SOX6: variants seen among roughly 807,000 people sequenced by gnomAD.
The protein encoded by SOX6 is transcription factor SOX-6.
SOX6 carries 11 observed loss-of-function variants against 97.8 expected under a neutral mutation model. The ratio of observed to expected loss-of-function variants is 0.11; its 90% CI spans 0.07 to 0.19. SOX6 has a LOEUF of 0.19. SOX6 is among the 10% of genes least tolerant of loss of function. The pLI is 1.00. For synonymous variants in SOX6, 360 were observed against 371.4 expected (o/e 0.97, Z 0.35); for missense variants, 810 against 1,039.5 (o/e 0.78, Z 3.04).
At chr11:16,530,133 T>G (rs1007289352) in intron 4 of SOX6, among the ~76,000 whole-genome samples, 3 of 152,036 alleles carry the variant, frequency 2.0e-5, no homozygotes, top group African/African-American at 7.2e-5. Flanking sequence ...TCTATTACTG[T>G]GTGACACTGC....
At chr11:16,641,714 G>T (rs1227928600) in intron 3 of SOX6, among the ~76,000 whole-genome samples, 3 of 152,128 alleles carry the variant, frequency 2.0e-5, no homozygotes, top group Admixed American at 2.0e-4. Context: ...TTTTATCAGA[G>T]ACTAAGATTG....
intron 13 of SOX6, among the ~76,000 whole-genome samples, chr11:15,998,679 G>GA (rs1397851773): frequency 1.3e-5 from 2 of 151,992 alleles, no homozygotes; most frequent in Non-Finnish European, 2.9e-5. Context: ...TGTTAAAGTG[G>GA]AAAACGATAG....
At chr11:16,325,088 A>T (rs1383277078) in intron 2 of SOX6, among the ~76,000 whole-genome samples, 1 of 152,182 alleles carries the variant, frequency 6.6e-6, no homozygotes, top group Non-Finnish European at 1.5e-5. Flanking sequence ...GTATTGGGAC[A>T]ACAGATAATT....
chr11:16,065,583 A>G (rs1300771420), intron 9 of SOX6, among the ~76,000 whole-genome samples: 1 of 152,130 alleles, frequency 6.6e-6, no homozygotes, highest in Non-Finnish European at 1.5e-5. Context: ...GGAACAGAAT[A>G]GAGAACCCAG....
At chr11:16,343,977 CA>C (rs1856710427) in intron 1 of SOX6, among the ~76,000 whole-genome samples, 1 of 151,860 alleles carries the variant, frequency 6.6e-6, no homozygotes, top group Non-Finnish European at 1.5e-5. Context: ...GAAAAGGAGA[CA>C]GGGGAGGTAG....
upstream of SOX6, among the ~76,000 whole-genome samples, chr11:16,480,228 C>A (rs1457502077): frequency 6.6e-6 from 1 of 151,904 alleles, no homozygotes; most frequent in African/African-American, 2.4e-5. Context: ...ACTTTATTAC[C>A]CTTATGGTTT....
At chr11:16,371,271 A>G (rs1857488170) in intron 1 of SOX6, among the ~76,000 whole-genome samples, 1 of 151,906 alleles carries the variant, frequency 6.6e-6, no homozygotes, top group Non-Finnish European at 1.5e-5. Flanking sequence ...CTCTTCCCCC[A>G]GATATCTGCA....
chr11:15,998,570 C>G (rs565713406), intron 13 of SOX6, among the ~76,000 whole-genome samples: 52 of 151,884 alleles, frequency 3.4e-4, no homozygotes, highest in Non-Finnish European at 6.9e-4. Flanking sequence ...AGGTGACAAA[C>G]TGACTTTAAA....
chr11:16,088,496 T>C (rs1397428733), intron 9 of SOX6, among the ~76,000 whole-genome samples: 1 of 152,170 alleles, frequency 6.6e-6, no homozygotes, highest in Non-Finnish European at 1.5e-5. Context: ...CACCCACTGA[T>C]ATTTTTACTG....
At chr11:16,263,505 CATCAG>C (rs1853965070) in intron 3 of SOX6, among the ~76,000 whole-genome samples, 1 of 151,888 alleles carries the variant, frequency 6.6e-6, no homozygotes, top group South Asian at 2.1e-4. Context: ...GTAAGCTGCT[CATCAG>C]ATATGGAAGA....
At chr11:16,181,929 T>G (rs61560681) in intron 6 of SOX6, among the ~76,000 whole-genome samples, 3,897 of 151,850 alleles carry the variant, frequency 0.026, 171 homozygotes, top group African/African-American at 0.088. Flanking sequence ...ACAAGAAATA[T>G]CCACACATTT....
Position 15,970,315 on chromosome 11 carries a change from T to C in SOX6, c.*2494A>G, listed in dbSNP as rs1006827920. On this transcript the variant is annotated 3_prime_UTR_variant, in exon 16 of 16. Coordinates refer to ENST00000683767, the MANE Select transcript of SOX6 (RefSeq NM_001367873.1). The stretch of plus-strand genomic sequence containing the variant: ...TCCTTTGTTCTCCACCAGCCCAGAA[T>C]ATTATTTTGGCATGGTCATAAAAAC... 1 of 152,648 alleles carries C rather than the reference T, an allele frequency of 6.6e-6. No individual in the cohort carries two copies. The highest frequency in any genetic ancestry group is 1.5e-5 in the Non-Finnish European group (1 of 68,032). The allele number at this position is 152,648 out of a possible 1,614,324, so 9.5% of individuals were successfully genotyped here.
chr11:16,280,311 CTCAAATTGGT>C (rs1482565370), intron 3 of SOX6, among the ~76,000 whole-genome samples: 1 of 151,606 alleles, frequency 6.6e-6, no homozygotes, highest in Admixed American at 6.6e-5. Flanking sequence ...AAGGGAATGA[CTCAAATTGGT>C]TAGCCCACCA....
chr11:16,010,396 A>G (rs995866794), intron 13 of SOX6, among the ~76,000 whole-genome samples: 1 of 152,048 alleles, frequency 6.6e-6, no homozygotes, highest in African/African-American at 2.4e-5. Flanking sequence ...CTGGCCAAAT[A>G]TAATCCCTTT....
intron 3 of SOX6, 132 bp from the exon 4 acceptor site, chr11:16,234,803 G>C (rs61881739): frequency 0.16 from 76,441 of 488,802 alleles, 6,837 homozygotes; most frequent in Middle Eastern, 0.25. Flanking sequence ...CCAGGATATA[G>C]AAAATTACAT....
At chr11:16,452,654 G>A (rs895851105) in intron 1 of SOX6, among the ~76,000 whole-genome samples, 2 of 152,144 alleles carry the variant, frequency 1.3e-5, no homozygotes, top group African/African-American at 4.8e-5. Context: ...GCTATGGCCT[G>A]TATGAGTTGA....
intron 4 of SOX6, among the ~76,000 whole-genome samples, chr11:16,547,931 T>C (rs1388645999): frequency 6.6e-6 from 1 of 152,112 alleles, no homozygotes; most frequent in East Asian, 1.9e-4. Flanking sequence ...CAATTGTTTT[T>C]AAAAATAATT....
intron 3 of SOX6, among the ~76,000 whole-genome samples, chr11:16,686,294 A>G (rs1847968922): frequency 6.6e-6 from 1 of 152,238 alleles, no homozygotes; most frequent in African/African-American, 2.4e-5. Context: ...GGCCACAAAT[A>G]TTCCAAATCT....
chr11:16,482,691 GTAGT>G (rs902820136), intron 4 of SOX6, among the ~76,000 whole-genome samples: 72 of 151,142 alleles, frequency 4.8e-4, no homozygotes, highest in African/African-American at 1.7e-3. Context: ...TTTGAAAAAA[GTAGT>G]TAGTTCAACT....
Sources: allele counts gnomAD v4.1 joint callset (sites outside exome capture counted in the v4.1 genomes callset), GRCh38; gene constraint gnomAD v4.1.1; transcripts MANE v1.5; gene names NCBI Gene and HGNC (gene_info 2026-07-23, HGNC 2026-07-21).